Variants in RAD51B observed in about 807,000 individuals in gnomAD.
The protein encoded by RAD51B is RAD51 paralog B.
In RAD51B, 38 loss-of-function variants were observed where a neutral mutation model predicts 42.2. The observed-to-expected ratio is 0.90, with a 90% CI of 0.70 to 1.18. The LOEUF is 1.18. Ranked by LOEUF, RAD51B falls within the 50% of genes most tolerant of loss-of-function variation. The pLI is 0.00. For synonymous variants in RAD51B, 154 were observed against 145.2 expected, an observed-to-expected ratio of 1.06 and a Z score of -0.43; for missense variants, 373 against 400.7, an observed-to-expected ratio of 0.93 and a Z score of 0.59.
At chr14:68,482,173 A>AGG (rs1032874155), downstream of RAD51B, among the ~76,000 whole-genome samples, 4 of 90,610 alleles carry the variant, frequency 4.4e-5, no homozygotes, top group Non-Finnish European at 6.7e-5. Flanking sequence ...GAGATATTTT[A>AGG]GGGGTGTGTG....
chr14:68,056,946 C>T (rs1481429233), intron 7 of RAD51B, among the ~76,000 whole-genome samples: 1 of 151,426 alleles, frequency 6.6e-6, no homozygotes, highest in Non-Finnish European at 1.5e-5. Flanking sequence ...AAAATTAGCC[C>T]ACCATGGTAG....
intron 7 of RAD51B, among the ~76,000 whole-genome samples, chr14:68,241,949 G>A (rs954635007): frequency 6.6e-6 from 1 of 152,162 alleles, no homozygotes; most frequent in Admixed American, 6.5e-5. Context: ...AGTGTCTGCC[G>A]GGTCTCCAGA....
chr14:68,404,464 C>G (rs1381580180), intron 8 of RAD51B, among the ~76,000 whole-genome samples: 1 of 152,182 alleles, frequency 6.6e-6, no homozygotes, highest in Admixed American at 6.5e-5. Flanking sequence ...TATGCCAGCC[C>G]TCTCACAGGA....
chr14:67,920,745 G>C (rs1377475458), intron 7 of RAD51B, among the ~76,000 whole-genome samples: 1 of 152,034 alleles, frequency 6.6e-6, no homozygotes, highest in Admixed American at 6.6e-5. Flanking sequence ...TAGGAATACA[G>C]GACAAGTTAG....
chr14:68,561,560 G>A (rs1287226053), intron 10 of RAD51B, among the ~76,000 whole-genome samples: 4 of 152,208 alleles, frequency 2.6e-5, no homozygotes, highest in African/African-American at 9.6e-5. Context: ...ATATAAACCA[G>A]GTAGGTCAAG....
In RAD51B at chr14:67,990,102, A is replaced by C. The variant is rs147611437; in HGVS notation, c.756+102898A>C. Among the ~76,000 whole-genome samples, 466 of 143,964 alleles carry C rather than the reference A, an allele frequency of 3.2e-3. 4 individuals carry two copies. The highest frequency in any genetic ancestry group is 0.011 in the African/African-American group (419 of 38,270). 94.4% of individuals were successfully genotyped at this position (143,964 alleles called of 152,430 possible). On this transcript the variant is annotated intron_variant, in intron 7 of 10. Transcript: ENST00000471583. ...AACCTCTACCTCCTGTGTTCAAGCT[A>C]TTCTCCTGCCTCAGCCTCCCAAGTA...
intron 7 of RAD51B, among the ~76,000 whole-genome samples, chr14:68,171,770 G>A (rs2078877409): frequency 6.6e-6 from 1 of 150,634 alleles, no homozygotes; most frequent in African/African-American, 2.4e-5. Flanking sequence ...GCAATGGGGC[G>A]ATCTCGGTTC....
intron 11 of RAD51B, among the ~76,000 whole-genome samples, chr14:68,674,093 A>G (rs1204477434): frequency 2.6e-5 from 4 of 152,156 alleles, no homozygotes; most frequent in Non-Finnish European, 5.9e-5. Flanking sequence ...ACACAGGTAT[A>G]CGCACACTTG....
intron 7 of RAD51B, among the ~76,000 whole-genome samples, chr14:68,241,844 C>T (rs944909333): frequency 2.6e-5 from 4 of 152,182 alleles, no homozygotes; most frequent in African/African-American, 7.2e-5. Context: ...CTGTCCTACT[C>T]CTATCTCTTT....
At chr14:68,350,436 T>C (rs2082761940) in intron 8 of RAD51B, among the ~76,000 whole-genome samples, 1 of 152,182 alleles carries the variant, frequency 6.6e-6, no homozygotes, top group Non-Finnish European at 1.5e-5. Context: ...CCAGAAGTAA[T>C]TGAGACACTA....
At chr14:68,057,995 G>A (rs958875791) in intron 7 of RAD51B, among the ~76,000 whole-genome samples, 1 of 151,872 alleles carries the variant, frequency 6.6e-6, no homozygotes, top group Non-Finnish European at 1.5e-5. Context: ...ATTTGTAATT[G>A]ATAGAGGAAA....
intron 10 of RAD51B, among the ~76,000 whole-genome samples, chr14:68,483,419 A>G (rs2842319): frequency 1 from 151,971 of 152,306 alleles, 75,819 homozygotes; most frequent in East Asian, 1. Context: ...GGGGTAGCCA[A>G]GAAAGACCAG....
At chr14:68,261,707 A>G (rs931385951) in intron 7 of RAD51B, among the ~76,000 whole-genome samples, 1 of 152,108 alleles carries the variant, frequency 6.6e-6, no homozygotes, top group South Asian at 2.1e-4. Flanking sequence ...TACAATCCCC[A>G]CGTAAGATGT....
intron 8 of RAD51B, among the ~76,000 whole-genome samples, chr14:68,404,947 T>C (rs2084223429): frequency 6.6e-6 from 1 of 152,186 alleles, no homozygotes; most frequent in Admixed American, 6.5e-5. Flanking sequence ...TCTTGTGGGC[T>C]GGCAGAATAA....
intron 1 of RAD51B, among the ~76,000 whole-genome samples, chr14:67,820,549 G>A (rs1034712290): frequency 3.3e-5 from 5 of 152,016 alleles, no homozygotes; most frequent in Admixed American, 2.0e-4. Context: ...TACACCGCAG[G>A]AATTTACGTG....
intron 10 of RAD51B, among the ~76,000 whole-genome samples, chr14:68,570,550 C>T (rs552836677): frequency 2.0e-5 from 3 of 152,216 alleles, no homozygotes; most frequent in Non-Finnish European, 4.4e-5. Context: ...GGGACAAAGG[C>T]ATGGCCAGGT....
At chr14:68,536,118 C>G (rs1887603026) in intron 10 of RAD51B, among the ~76,000 whole-genome samples, 1 of 152,194 alleles carries the variant, frequency 6.6e-6, no homozygotes, top group South Asian at 2.1e-4. Flanking sequence ...GGACACTCCA[C>G]TTGGATGGGA....
At chr14:68,052,109 T>G (rs957857325) in intron 7 of RAD51B, among the ~76,000 whole-genome samples, 1 of 152,212 alleles carries the variant, frequency 6.6e-6, no homozygotes, top group African/African-American at 2.4e-5. Flanking sequence ...TATCTCAGTC[T>G]GCTTCAGTCA....
chr14:67,866,627 A>G (rs1038763361), intron 5 of RAD51B, among the ~76,000 whole-genome samples: 2 of 152,214 alleles, frequency 1.3e-5, no homozygotes. Flanking sequence ...ATGTTATTTT[A>G]TTACCAGTAT....
Sources: allele counts gnomAD v4.1 joint callset (sites outside exome capture counted in the v4.1 genomes callset), GRCh38; gene constraint gnomAD v4.1.1; transcripts MANE v1.5; gene names NCBI Gene and HGNC (gene_info 2026-07-23, HGNC 2026-07-21).